The following SIPA1L2 variants were observed in gnomAD, a reference collection of about 807,000 sequenced individuals.
SIPA1L2 encodes the protein signal induced proliferation associated 1 like 2, also known as signal-induced proliferation-associated 1-like protein 2.
A neutral mutation model predicts 163.9 loss-of-function variants in SIPA1L2; 56 were observed. The ratio of observed to expected loss-of-function variants is 0.34; its 90% CI spans 0.28 to 0.43. The LOEUF (loss-of-function observed/expected upper bound fraction) is 0.43. Ranked by LOEUF, SIPA1L2 falls within the 20% of genes least tolerant of loss-of-function variation. SIPA1L2 has a pLI of 1.00. For missense variants in SIPA1L2, 1,974 were observed against 2,193.5 expected (o/e 0.90, Z 2.00); for synonymous variants, 877 against 865.7 (o/e 1.01, Z -0.23).
At chr1:232,584,942 G>C (rs1247526198) in intron 1 of SIPA1L2, among the ~76,000 whole-genome samples, 1 of 152,186 alleles carries the variant, frequency 6.6e-6, no homozygotes, top group African/African-American at 2.4e-5. Context: ...GGGGGAGAGA[G>C]GAAGTATTGT....
In SIPA1L2 at chr1:232,399,116, G is replaced by C. The variant is rs200574920; in HGVS notation, c.*11C>G. The C allele has an allele frequency of 1.2e-6, 2 of 1,613,958 alleles. No individual in the cohort carries two copies. Among genetic ancestry groups the C allele is most frequent in the South Asian group, 2.2e-5 (2 of 91,080 alleles). ...CATTTCCCAGTGGTCCCTTGATGAGGTGCGGATTGGCTAAGATTTTTTGTC... is the reference window on the plus strand; with the variant it reads ...CATTTCCCAGTGGTCCCTTGATGAGCTGCGGATTGGCTAAGATTTTTTGTC... On this transcript the variant is annotated 3_prime_UTR_variant, in exon 23 of 23. Transcript: ENST00000674635.
chr1:232,425,508 C>T (rs758916000), intron 18 of SIPA1L2, 81 bp downstream of exon 18: 141 of 1,080,898 alleles, frequency 1.3e-4, no homozygotes, highest in Non-Finnish European at 1.8e-4. Context: ...AATCACTCCA[C>T]CCTCAGAGCT....
At chr1:232,420,460 T>C (rs933820882) in intron 18 of SIPA1L2, among the ~76,000 whole-genome samples, 5 of 152,186 alleles carry the variant, frequency 3.3e-5, no homozygotes, top group African/African-American at 1.2e-4. Context: ...AAAGGCATCA[T>C]TTGCCTCAGG....
intron 1 of SIPA1L2, among the ~76,000 whole-genome samples, chr1:232,614,367 TTCGTACTTCAG>T (rs1254461655): frequency 6.6e-6 from 1 of 152,154 alleles, no homozygotes; most frequent in Non-Finnish European, 1.5e-5. Context: ...ACACACAAGT[TTCGTACTTCAG>T]TTCAGATAGA....
At chr1:232,519,801 C>A (rs1356080411) in intron 2 of SIPA1L2, among the ~76,000 whole-genome samples, 1 of 152,162 alleles carries the variant, frequency 6.6e-6, no homozygotes, top group Non-Finnish European at 1.5e-5. Context: ...ACTGGTACCA[C>A]CTGCTCCCTC....
chr1:232,557,452 A>G (rs975872473), intron 2 of SIPA1L2, among the ~76,000 whole-genome samples: 1 of 152,176 alleles, frequency 6.6e-6, no homozygotes, highest in Admixed American at 6.5e-5. Flanking sequence ...ATCATTCACT[A>G]TCTTAACCCC....
intron 1 of SIPA1L2, among the ~76,000 whole-genome samples, chr1:232,609,338 T>C (rs1573170206): frequency 6.6e-6 from 1 of 152,350 alleles, no homozygotes; most frequent in East Asian, 1.9e-4. Flanking sequence ...ATTTGCTTAC[T>C]TTCTGGGTAA....
intron 2 of SIPA1L2, among the ~76,000 whole-genome samples, chr1:232,539,199 C>T (rs1657491610): frequency 6.6e-6 from 1 of 152,198 alleles, no homozygotes; most frequent in African/African-American, 2.4e-5. Context: ...CTCTGTCTAA[C>T]CTGATGCCAG....
intron 19 of SIPA1L2, among the ~76,000 whole-genome samples, chr1:232,410,100 A>G (rs1660863816): frequency 6.6e-6 from 1 of 152,108 alleles, no homozygotes; most frequent in Non-Finnish European, 1.5e-5. Flanking sequence ...TAAATGTCAA[A>G]GATTCCAGTA....
chr1:232,430,693 T>C (rs1469666717), intron 16 of SIPA1L2, among the ~76,000 whole-genome samples: 1 of 152,216 alleles, frequency 6.6e-6, no homozygotes, highest in Non-Finnish European at 1.5e-5. Flanking sequence ...GCCGGCACAC[T>C]GACCAGGAGC....
intron 3 of SIPA1L2, 144 bp from the exon 4 acceptor site, chr1:232,493,804 G>C (rs1475055253): frequency 9.1e-7 from 1 of 1,097,876 alleles, no homozygotes. Context: ...GTTTCATCAA[G>C]TCTTCTGGTT....
chr1:232,465,262 T>C lies in SIPA1L2; in HGVS notation c.2398A>G (p.Met800Val). ...AAHKSEKFRA[M>V]ATRTRQEYLK... ...TACTCCTGCCTCGTTCGAGTGGCCA[T>C]TGCTCGAAACTTTTCTGATTTATGG... Residue 800 changes from methionine (M) to valine (V), a missense_variant, in exon 9 of 23, where the codon ATG (methionine) becomes GTG (valine). Met to Val is a conservative substitution (Grantham distance 21). Around this residue, in one of 3 missense-constraint regions of SIPA1L2, gnomAD observed 288 missense variants for 418.9 expected, o/e 0.69. Transcript: ENST00000674635. The surrounding 1 kb of genome is among the most constrained non-coding windows in gnomAD (Gnocchi z 4.1). 1.9e-6 allele frequency: 3 copies of C among 1,614,216 alleles called. No individual in the cohort carries two copies. The highest frequency in any genetic ancestry group is 2.5e-6 in the Non-Finnish European group (3 of 1,180,038).
chr1:232,548,406 C>G (rs956175846), intron 2 of SIPA1L2, among the ~76,000 whole-genome samples: 1 of 152,210 alleles, frequency 6.6e-6, no homozygotes, highest in African/African-American at 2.4e-5. Flanking sequence ...ACATACTTGT[C>G]TCAATTCATA....
intron 19 of SIPA1L2, among the ~76,000 whole-genome samples, chr1:232,407,349 A>T (rs758057152): frequency 1.3e-5 from 2 of 152,082 alleles, no homozygotes; most frequent in Admixed American, 6.5e-5. Flanking sequence ...ATATACACAC[A>T]CTCTCTCATA....
At chr1:232,432,021 T>G (rs1443284563) in intron 16 of SIPA1L2, among the ~76,000 whole-genome samples, 1 of 152,212 alleles carries the variant, frequency 6.6e-6, no homozygotes, top group Non-Finnish European at 1.5e-5. Flanking sequence ...CAGGCAGATT[T>G]GAATATAAAA....
intron 10 of SIPA1L2, among the ~76,000 whole-genome samples, chr1:232,458,228 C>A (rs1354863533): frequency 6.6e-6 from 1 of 152,176 alleles, no homozygotes; most frequent in Non-Finnish European, 1.5e-5. Context: ...AGGGCAAAAT[C>A]TTTAAATAAA....
In SIPA1L2 at chr1:232,514,222, T is replaced by A; in HGVS notation, c.1118A>T (p.Gln373Leu). 6.2e-7 allele frequency: 1 copy of A among 1,614,244 alleles called. No individual in the cohort carries two copies. Among genetic ancestry groups the A allele is most frequent in the Non-Finnish European group, 8.5e-7 (1 of 1,180,048 alleles). Reference protein sequence around the residue: ...AASQTQMPTGQTGNCESPLGS... With the variant: ...AASQTQMPTGLTGNCESPLGS... The stretch of plus-strand genomic sequence containing the variant: ...TAAAGGGGACTCACAGTTGCCTGTC[T>A]GGCCCGTAGGCATCTGAGTCTGGGA... Residue 373 changes from glutamine to leucine, a missense_variant, in exon 3 of 23, where the codon CAG becomes CTG. By Grantham distance (113) the Gln-to-Leu change is moderately radical. Transcript: ENST00000674635.
chr1:232,410,959 G>A (rs1042119560), intron 19 of SIPA1L2, among the ~76,000 whole-genome samples: 2 of 152,132 alleles, frequency 1.3e-5, no homozygotes, highest in African/African-American at 2.4e-5. Flanking sequence ...AAGGTTTGCA[G>A]AAAATTAAGT....
intron 16 of SIPA1L2, among the ~76,000 whole-genome samples, 190 bp downstream of exon 16, chr1:232,432,057 T>C (rs909528628): frequency 6.6e-6 from 1 of 152,240 alleles, no homozygotes. Flanking sequence ...TTCTTTTCCT[T>C]TTTTTATGTA....
Sources: gnomAD v4.1 joint callset for allele counts (sites outside exome capture counted in the v4.1 genomes callset) on GRCh38, gnomAD v4.1.1 for gene constraint, gnomAD v4.1.1 regional missense constraint, Gnocchi (gnomAD v3.1) non-coding constraint, MANE v1.5 for transcripts, NCBI Gene and HGNC (gene_info 2026-07-23, HGNC 2026-07-21) for gene names.